MGAT4D: variants seen among roughly 807,000 people sequenced by gnomAD.
MGAT4D encodes the protein MGAT4 family member D.
In MGAT4D, 34 loss-of-function variants were observed where a neutral mutation model predicts 15.9. The observed-to-expected ratio is 2.14, with a 90% CI of 1.62 to 2.84. The LOEUF is 2.84. Ranked by LOEUF, MGAT4D falls within the 30% of genes most tolerant of loss-of-function variation. The pLI is 0.00. For missense variants in MGAT4D, 327 were observed against 140.2 expected (o/e 2.33, Z -6.73); for synonymous variants, 112 against 48.2 (o/e 2.33, Z -5.49).
At chr4:140,451,046 A>C (rs1475201073) in intron 10 of MGAT4D, among the ~76,000 whole-genome samples, 1 of 152,202 alleles carries the variant, frequency 6.6e-6, no homozygotes, top group African/African-American at 2.4e-5. Flanking sequence ...ATTTAAATTA[A>C]ATAGTAGAGG....
intron 7 of MGAT4D, among the ~76,000 whole-genome samples, chr4:140,460,355 G>T (rs1235811063): frequency 6.6e-6 from 1 of 152,150 alleles, no homozygotes; most frequent in Admixed American, 6.5e-5. Context: ...TCTGCTGAAG[G>T]CCTATTCCTC....
intron 4 of MGAT4D, among the ~76,000 whole-genome samples, chr4:140,474,311 C>T (rs1732171874): frequency 6.6e-6 from 1 of 152,130 alleles, no homozygotes; most frequent in Non-Finnish European, 1.5e-5. Flanking sequence ...ATAGCTACCT[C>T]ACAGGGATGT....
At chr4:140,446,123 G>GTT (rs199628385) in intron 10 of MGAT4D, among the ~76,000 whole-genome samples, 1 of 70,000 alleles carries the variant, frequency 1.4e-5, no homozygotes, top group Non-Finnish European at 4.0e-5. Flanking sequence ...TTGGCCTGAA[G>GTT]TTTTTTTGTT....
At chr4:140,465,994 A>C (rs935297788) in intron 5 of MGAT4D, among the ~76,000 whole-genome samples, 2 of 152,208 alleles carry the variant, frequency 1.3e-5, no homozygotes, top group Non-Finnish European at 2.9e-5. Context: ...TAATTGCATC[A>C]CTTCTTTCAA....
At chr4:140,454,012 ATGTGTGTGTG>A (rs34758499) in intron 9 of MGAT4D, among the ~76,000 whole-genome samples, 2 of 148,102 alleles carry the variant, frequency 1.4e-5, no homozygotes, top group African/African-American at 2.5e-5. Context: ...TCTAGGATGT[ATGTGTGTGTG>A]TGTGTGTGTG....
intron 1 of MGAT4D, among the ~76,000 whole-genome samples, chr4:140,493,331 T>C (rs1405576870): frequency 2.7e-5 from 4 of 149,478 alleles, no homozygotes; most frequent in African/African-American, 9.9e-5. Flanking sequence ...AGTCTCGTTC[T>C]GTCACCCAGG....
At position 140,462,312 on chromosome 4, in the gene MGAT4D, T is replaced by A. The variant is rs190625546; in HGVS notation, c.687-308A>T. On this transcript the variant is annotated intron_variant, in intron 6 of 10. Transcript: ENST00000511113. ...TGTTAATATTCTTTCTGATTTTAGG[T>A]CTTGTTCAAATGAAAGTATAAAGAA... 2.3e-3 allele frequency among the ~76,000 whole-genome samples: 356 copies of A among 152,322 alleles called. 3 individuals are homozygous for A. Among genetic ancestry groups the A allele is most frequent in the Non-Finnish European group, 3.7e-3 (253 of 68,016 alleles).
In MGAT4D at chr4:140,498,141, T is replaced by A. The variant is rs980975008; in HGVS notation, c.82A>T (p.Ile28Leu). The A allele has an allele frequency of 2.8e-6, 2 of 702,396 alleles. No individual in the cohort carries two copies. Among genetic ancestry groups the A allele is most frequent in the Non-Finnish European group, 2.6e-6 (1 of 384,590 alleles). 43.5% of individuals were successfully genotyped at this position (702,396 alleles called of 1,614,324 possible). A position where few individuals can be genotyped will look rare whatever the true frequency, so the allele number is the denominator to read the frequency against. ...GCCCGCCGCTTACTGGTTTGAGTTA[T>A]CCTGTAGATGGAGAAGCAAGAGAAG... ...FSFSCFSIYR[I>L]TQTNNQLINC... The change falls in exon 1 of 11, where the codon ATA becomes TTA. Residue 28 changes from isoleucine (I) to leucine (L), a missense_variant. Coordinates refer to ENST00000511113, the MANE Select transcript of MGAT4D (RefSeq NM_001277353.2).
chr4:140,494,928 AT>A (rs1207194834), intron 1 of MGAT4D, among the ~76,000 whole-genome samples: 9 of 152,354 alleles, frequency 5.9e-5, no homozygotes, highest in African/African-American at 1.9e-4. Context: ...TAAATTAAAA[AT>A]TCTTGGAGCA....
chr4:140,498,184 G>A lies in MGAT4D; in HGVS notation c.39C>T (p.Val13=). ...TKQVNLLITL[V]AVALFSFSCF... The stretch of plus-strand genomic sequence containing the variant: ...AAGAGAAGCTGAACAACGCGACGGC[G>A]ACCAGGGTGATCAGCAAGTTCACCT... The change falls in exon 1 of 11, where the codon GTC becomes GTT. Residue 13 remains valine, a synonymous_variant. Transcript: ENST00000511113. 2 of 702,626 alleles carry A rather than the reference G, an allele frequency of 2.8e-6. No homozygotes were observed. The highest frequency in any genetic ancestry group is 1.5e-5 in the South Asian group (1 of 67,572). The allele number at this position is 702,626 out of a possible 1,614,324, so 43.5% of individuals were successfully genotyped here. A position where few individuals can be genotyped will look rare whatever the true frequency, so the allele number is the denominator to read the frequency against.
At chr4:140,484,264 T>A (rs1466796849) in intron 1 of MGAT4D, among the ~76,000 whole-genome samples, 3 of 152,066 alleles carry the variant, frequency 2.0e-5, no homozygotes, top group African/African-American at 7.2e-5. Flanking sequence ...AAACAAGACA[T>A]GAATATGGCC....
At chr4:140,465,374 T>C (rs1560777765) in intron 5 of MGAT4D, among the ~76,000 whole-genome samples, 1 of 152,178 alleles carries the variant, frequency 6.6e-6, no homozygotes, top group Non-Finnish European at 1.5e-5. Flanking sequence ...ATGCATAATT[T>C]TGAATTTAAT....
intron 3 of MGAT4D, among the ~76,000 whole-genome samples, chr4:140,478,557 C>T (rs1732489869): frequency 6.6e-6 from 1 of 152,072 alleles, no homozygotes; most frequent in South Asian, 2.1e-4. Flanking sequence ...TTTCTCTAAG[C>T]CTCAGTTTTT....
intron 5 of MGAT4D, among the ~76,000 whole-genome samples, chr4:140,468,150 T>C (rs909737559): frequency 2.6e-5 from 4 of 152,044 alleles, no homozygotes; most frequent in African/African-American, 7.2e-5. Context: ...TTTTAAATTA[T>C]TGCTTTACTC....
At chr4:140,467,702 G>C (rs978426642) in intron 5 of MGAT4D, among the ~76,000 whole-genome samples, 12 of 152,078 alleles carry the variant, frequency 7.9e-5, no homozygotes, top group Non-Finnish European at 4.4e-5. Flanking sequence ...GGAATTGCTA[G>C]TTTCCAATGA....
intron 1 of MGAT4D, among the ~76,000 whole-genome samples, chr4:140,493,287 CTTTTT>C (rs551838799): frequency 7.1e-5 from 8 of 112,522 alleles, no homozygotes; most frequent in South Asian, 2.8e-4. Flanking sequence ...TGTTCCTTTA[CTTTTT>C]TTTTTTTTTT....
At chr4:140,477,179 C>T (rs1483819168) in intron 3 of MGAT4D, among the ~76,000 whole-genome samples, 1 of 152,160 alleles carries the variant, frequency 6.6e-6, no homozygotes, top group Non-Finnish European at 1.5e-5. Flanking sequence ...TTTCCGCTAT[C>T]CACCACCTAC....
At chr4:140,497,947 CGCTGACCGGG>C (rs930874631) in intron 1 of MGAT4D, among the ~76,000 whole-genome samples, 172 bp downstream of exon 1, 2 of 152,140 alleles carry the variant, frequency 1.3e-5, no homozygotes, top group African/African-American at 4.8e-5. Context: ...GCCCAGCCGC[CGCTGACCGGG>C]GTAGGCGCGG....
At chr4:140,469,341 A>G (rs889532940) in intron 5 of MGAT4D, among the ~76,000 whole-genome samples, 1 of 152,206 alleles carries the variant, frequency 6.6e-6, no homozygotes, top group African/African-American at 2.4e-5. Flanking sequence ...TACATTCTTC[A>G]GTGTGAATAT....
Sources: gnomAD v4.1 joint callset for allele counts (sites outside exome capture counted in the v4.1 genomes callset) on GRCh38, gnomAD v4.1.1 for gene constraint, MANE v1.5 for transcripts, NCBI Gene and HGNC (gene_info 2026-07-23, HGNC 2026-07-21) for gene names.